ADGRL2: variants seen among roughly 807,000 people sequenced by gnomAD.
The protein encoded by ADGRL2 is adhesion G protein-coupled receptor L2.
ADGRL2 carries 44 observed loss-of-function variants against 157.4 expected under a neutral mutation model. That is an observed-to-expected ratio of 0.28 (90% CI 0.22 to 0.36). ADGRL2 has a LOEUF of 0.36. Among genes scored for constraint, ADGRL2 ranks in the 10% least tolerant of loss-of-function variants. The pLI, the probability that ADGRL2 is intolerant of heterozygous loss-of-function variation, is 1.00. For synonymous variants in ADGRL2, 585 were observed against 624.7 expected (o/e 0.94, Z 0.95); for missense variants, 1,510 against 1,768.9 (o/e 0.85, Z 2.63).
chr1:81,497,203 C>T (rs571543882), intron 2 of ADGRL2, among the ~76,000 whole-genome samples: 5 of 152,146 alleles, frequency 3.3e-5, no homozygotes, highest in African/African-American at 1.2e-4. Context: ...AATGTGTCAA[C>T]AAAAAGGTCT....
At chr1:81,387,763 G>A (rs935574842) in intron 1 of ADGRL2, among the ~76,000 whole-genome samples, 1 of 152,008 alleles carries the variant, frequency 6.6e-6, no homozygotes, top group African/African-American at 2.4e-5. Flanking sequence ...GAATACGGGT[G>A]GCCTCTGGAG....
intron 2 of ADGRL2, among the ~76,000 whole-genome samples, chr1:81,523,096 G>A (rs1277790145): frequency 6.6e-6 from 1 of 152,072 alleles, no homozygotes; most frequent in Non-Finnish European, 1.5e-5. Flanking sequence ...CTATATGACG[G>A]AAGTTCAAAA....
In ADGRL2 at chr1:81,644,047, C is replaced by A. The variant is rs372792474; in HGVS notation, c.-143+63067C>A. ...AGAAGAGACAAATAGATCAAAGAAA[C>A]AGAATAGAGCCCAGAAATAGACCCA... On this transcript the variant is annotated intron_variant, in intron 3 of 24. Transcript: ENST00000370721. Among the ~76,000 whole-genome samples, 9 of 152,188 alleles carry A rather than the reference C, an allele frequency of 5.9e-5. No individual in the cohort carries two copies. The East Asian group carries it at 7.7e-4, about 13-fold the overall frequency.
intron 3 of ADGRL2, among the ~76,000 whole-genome samples, chr1:81,693,260 C>G (rs750055200): frequency 6.6e-6 from 1 of 152,110 alleles, no homozygotes; most frequent in Non-Finnish European, 1.5e-5. Flanking sequence ...TGCCACTCTC[C>G]CGTCTCCCGA....
At chr1:81,698,820 T>G (rs56050452), upstream of ADGRL2, among the ~76,000 whole-genome samples, 2,680 of 152,326 alleles carry the variant, frequency 0.018, 33 homozygotes, top group South Asian at 0.054. Context: ...TTCTAAAATC[T>G]GGTCTTGCTT....
chr1:81,956,146 C>A, intron 11 of ADGRL2, 86 bp downstream of exon 11: 1 of 995,304 alleles, frequency 1.0e-6, no homozygotes, highest in Non-Finnish European at 1.4e-6. Context: ...TCTGTTATTT[C>A]CCAGTGCTGT....
At chr1:81,925,550 C>G (rs763777442) in intron 3 of ADGRL2, among the ~76,000 whole-genome samples, 1 of 136,118 alleles carries the variant, frequency 7.3e-6, no homozygotes, top group African/African-American at 2.7e-5. Flanking sequence ...GTTTTCTTCC[C>G]TCTTGATTAA....
chr1:81,388,516 C>T (rs1458895780), intron 1 of ADGRL2, among the ~76,000 whole-genome samples: 1 of 152,122 alleles, frequency 6.6e-6, no homozygotes, highest in East Asian at 1.9e-4. Context: ...CTTCTCACTC[C>T]TCATCCCACC....
chr1:81,981,447 C>A (rs1661643225), intron 18 of ADGRL2, among the ~76,000 whole-genome samples: 1 of 151,732 alleles, frequency 6.6e-6, no homozygotes, highest in African/African-American at 2.4e-5. Flanking sequence ...TGTGAGTACA[C>A]CATAGGAATA....
intron 1 of ADGRL2, among the ~76,000 whole-genome samples, chr1:81,322,172 A>G (rs1017980646): frequency 1.3e-5 from 2 of 149,342 alleles, no homozygotes; most frequent in Non-Finnish European, 3.0e-5. Flanking sequence ...ACATATGTAC[A>G]TGTATATACA....
chr1:81,375,452 G>A (rs927026357), intron 1 of ADGRL2, among the ~76,000 whole-genome samples: 1 of 152,178 alleles, frequency 6.6e-6, no homozygotes, highest in Non-Finnish European at 1.5e-5. Context: ...TAAATAAGAA[G>A]AGGGATTTTA....
chr1:81,333,299 A>G (rs1337542576), intron 1 of ADGRL2, among the ~76,000 whole-genome samples: 3 of 152,170 alleles, frequency 2.0e-5, no homozygotes, highest in Non-Finnish European at 4.4e-5. Flanking sequence ...GAATTACCGG[A>G]GACACCTTTT....
intron 1 of ADGRL2, among the ~76,000 whole-genome samples, chr1:81,331,997 T>C (rs2100700449): frequency 6.6e-6 from 1 of 152,250 alleles, no homozygotes; most frequent in East Asian, 1.9e-4. Context: ...AAATCAATAT[T>C]ACAGCTACTT....
At chr1:81,897,418 AT>A (rs1418587011) in intron 2 of ADGRL2, among the ~76,000 whole-genome samples, 3 of 152,098 alleles carry the variant, frequency 2.0e-5, no homozygotes, top group Non-Finnish European at 2.9e-5. Context: ...CTTATCAGGA[AT>A]TTTTTTAAGT....
intron 2 of ADGRL2, among the ~76,000 whole-genome samples, chr1:81,516,873 C>T (rs1232539998): frequency 6.6e-6 from 1 of 152,020 alleles, no homozygotes; most frequent in Non-Finnish European, 1.5e-5. Flanking sequence ...TCATGTCCCC[C>T]TCTGTTGGGT....
chr1:81,666,602 C>T (rs144656308), intron 3 of ADGRL2, among the ~76,000 whole-genome samples: 1 of 152,116 alleles, frequency 6.6e-6, no homozygotes, highest in African/African-American at 2.4e-5. Context: ...TCTAAGGGGG[C>T]CTGATGTAAA....
At position 81,984,695 on chromosome 1, in the gene ADGRL2, A is replaced by C. The variant is rs1385145668; in HGVS notation, c.3395A>C (p.Tyr1132Ser). ...TCAACCACCAGAACCAGTGCTCGCTATTCCTCTGGCACACAGGTAACAAAG... is the reference window on the plus strand; with the variant it reads ...TCAACCACCAGAACCAGTGCTCGCTCTTCCTCTGGCACACAGGTAACAAAG... ...KASTTRTSAR[Y>S]SSGTQSRIRR... is the part of the protein sequence containing the mutation. The change falls in exon 20 of 24, where the codon TAT becomes TCT. Residue 1132 changes from tyrosine (Y) to serine (S), a missense_variant. Physicochemically the swap from Tyr to Ser is moderately radical, Grantham distance 144 (BLOSUM62 -2). Coordinates refer to ENST00000686636, the MANE Select transcript of ADGRL2 (RefSeq NM_001366006.2). The C allele has an allele frequency of 2.2e-5, 35 of 1,612,694 alleles. No homozygotes were observed. Among genetic ancestry groups the C allele is most frequent in the Non-Finnish European group, 2.7e-5 (32 of 1,179,104 alleles).
chr1:81,946,544 A>T (rs564011225), intron 6 of ADGRL2, among the ~76,000 whole-genome samples: 1 of 152,150 alleles, frequency 6.6e-6, no homozygotes, highest in Non-Finnish European at 1.5e-5. Flanking sequence ...ATCTGTCTGC[A>T]CATGTGATAT....
chr1:81,856,845 T>C (rs775348896), intron 2 of ADGRL2, among the ~76,000 whole-genome samples: 20 of 152,296 alleles, frequency 1.3e-4, no homozygotes, highest in Middle Eastern at 3.4e-3. Flanking sequence ...CCATGATTTA[T>C]AACAAGCATT....
Sources: allele counts gnomAD v4.1 joint callset (sites outside exome capture counted in the v4.1 genomes callset), GRCh38; gene constraint gnomAD v4.1.1; transcripts MANE v1.5; gene names NCBI Gene and HGNC (gene_info 2026-07-23, HGNC 2026-07-21).